Variants in RABGAP1L observed in about 807,000 individuals in gnomAD.
RABGAP1L encodes rab GTPase-activating protein 1-like.
Under a neutral mutation model 137.7 loss-of-function variants are expected in RABGAP1L, and 63 were observed. The ratio of observed to expected loss-of-function variants is 0.46; its 90% CI spans 0.37 to 0.56. The LOEUF (loss-of-function observed/expected upper bound fraction) is 0.56. Ranked by LOEUF, RABGAP1L falls within the 20% of genes least tolerant of loss-of-function variation. The probability of loss-of-function intolerance (pLI) is 0.00; values close to 1 mark genes in which losing one functional copy is unlikely to be tolerated. For missense variants in RABGAP1L, 1,095 were observed against 1,244.0 expected, an observed-to-expected ratio of 0.88 and a Z score of 1.80; for synonymous variants, 431 against 433.7, an observed-to-expected ratio of 0.99 and a Z score of 0.08.
intron 13 of RABGAP1L, among the ~76,000 whole-genome samples, chr1:174,451,148 C>T (rs958447798): frequency 6.6e-6 from 1 of 152,084 alleles, no homozygotes; most frequent in Non-Finnish European, 1.5e-5. Flanking sequence ...TTATTCTTGT[C>T]CCCTGTTTGC....
At chr1:174,173,802 G>A (rs1331357286) in intron 1 of RABGAP1L, among the ~76,000 whole-genome samples, 4 of 152,156 alleles carry the variant, frequency 2.6e-5, no homozygotes, top group African/African-American at 9.7e-5. Flanking sequence ...TGTGTCTTCA[G>A]AAGGATATGT....
intron 1 of RABGAP1L, among the ~76,000 whole-genome samples, chr1:174,194,824 G>A (rs1391069995): frequency 6.6e-6 from 1 of 152,076 alleles, no homozygotes; most frequent in Non-Finnish European, 1.5e-5. Context: ...GTGGGCACAG[G>A]GTTTGCTTTG....
chr1:174,491,495 G>A (rs1410896882), intron 13 of RABGAP1L, among the ~76,000 whole-genome samples: 6 of 151,838 alleles, frequency 4.0e-5, no homozygotes, highest in Admixed American at 1.3e-4. Context: ...TCAAGCAGAA[G>A]CAAGGGGTCC....
At position 174,583,789 on chromosome 1, in the gene RABGAP1L, T is replaced by C. The variant is rs1668916697; in HGVS notation, c.1711-53586T>C. Among the ~76,000 whole-genome samples the C allele has an allele frequency of 2.0e-5, 3 of 152,166 alleles. No individual in the cohort carries two copies. In the South Asian group the frequency reaches 6.2e-4, roughly 32 times the overall value. ...TGCTGTAGAGAAAGAGCAAAAGAAT[T>C]TTAGGCTTAATAATACCTTACTATG... On this transcript the variant is annotated intron_variant, in intron 13 of 25. Coordinates refer to ENST00000681986, the MANE Select transcript of RABGAP1L (RefSeq NM_001366446.1).
At chr1:174,449,322 A>T in intron 13 of RABGAP1L, 1 of 804,624 alleles carries the variant, frequency 1.2e-6, no homozygotes, top group Non-Finnish European at 2.0e-6. Context: ...GAAGTATGAG[A>T]CTAAAGGTTT....
At chr1:174,349,347 G>A (rs1211171645) in intron 11 of RABGAP1L, among the ~76,000 whole-genome samples, 6 of 129,144 alleles carry the variant, frequency 4.6e-5, no homozygotes, top group African/African-American at 6.1e-5. Context: ...GCCACTGGCC[G>A]GGCAGGGGGG....
intron 13 of RABGAP1L, among the ~76,000 whole-genome samples, chr1:174,526,229 G>T (rs888978127): frequency 2.0e-5 from 3 of 152,050 alleles, no homozygotes; most frequent in Admixed American, 6.6e-5. Flanking sequence ...TTGAATTACG[G>T]TTTGCTAGTA....
intron 10 of RABGAP1L, among the ~76,000 whole-genome samples, chr1:174,300,218 C>G (rs942614977): frequency 1.3e-5 from 2 of 152,136 alleles, no homozygotes; most frequent in Non-Finnish European, 2.9e-5. Context: ...TCAGGGTCCC[C>G]TGAAGTATTT....
intron 13 of RABGAP1L, among the ~76,000 whole-genome samples, chr1:174,450,155 AGTAATT>A (rs561817220): frequency 8.5e-5 from 13 of 152,140 alleles, no homozygotes; most frequent in Non-Finnish European, 1.9e-4. Flanking sequence ...AAAACCCACT[AGTAATT>A]GTAATGCAGA....
At chr1:174,812,733 GA>G (rs756061635) in intron 19 of RABGAP1L, among the ~76,000 whole-genome samples, 1 of 151,938 alleles carries the variant, frequency 6.6e-6, no homozygotes, top group East Asian at 1.9e-4. Flanking sequence ...AAATAGCTGT[GA>G]AAAAAAAGAG....
chr1:174,839,827 C>A (rs552711309), intron 19 of RABGAP1L, among the ~76,000 whole-genome samples: 1 of 152,258 alleles, frequency 6.6e-6, no homozygotes, highest in Non-Finnish European at 1.5e-5. Context: ...TTAGCAGCAG[C>A]TTTGAACTGC....
At chr1:174,966,848 T>C (rs967007051) in intron 20 of RABGAP1L, among the ~76,000 whole-genome samples, 1 of 151,278 alleles carries the variant, frequency 6.6e-6, no homozygotes, top group East Asian at 1.9e-4. Context: ...GTGTAGAATA[T>C]GACCTTCTAA....
At chr1:174,355,895 T>G (rs1683591455) in intron 11 of RABGAP1L, among the ~76,000 whole-genome samples, 1 of 152,220 alleles carries the variant, frequency 6.6e-6, no homozygotes. Context: ...TAAATCACCC[T>G]GCTTTTGACA....
At chr1:174,559,537 C>A (rs575694228) in intron 13 of RABGAP1L, among the ~76,000 whole-genome samples, 1 of 152,240 alleles carries the variant, frequency 6.6e-6, no homozygotes, top group East Asian at 1.9e-4. Flanking sequence ...GAAATATTAC[C>A]TTTTTAAAAT....
At chr1:174,712,390 C>A (rs186551814) in intron 17 of RABGAP1L, among the ~76,000 whole-genome samples, 52 of 152,336 alleles carry the variant, frequency 3.4e-4, no homozygotes, top group African/African-American at 1.2e-3. Flanking sequence ...CACGAACCCA[C>A]TGGGAGGGAC....
chr1:174,420,882 C>A lies in RABGAP1L; in HGVS notation c.1710+26737C>A, dbSNP rs367874273. On this transcript the variant is annotated intron_variant, in intron 13 of 25. Transcript: ENST00000681986. ...AGTAGAGATGGGGTTTCACCGTGTTCGCCAGGATGGTCTCGATCTCCTGAC... is the reference window on the plus strand; with the variant it reads ...AGTAGAGATGGGGTTTCACCGTGTTAGCCAGGATGGTCTCGATCTCCTGAC... Among the ~76,000 whole-genome samples, 53 of 151,972 alleles carry A rather than the reference C, an allele frequency of 3.5e-4. No homozygotes were observed. In the South Asian group the frequency reaches 4.2e-3, roughly 12 times the overall value.
At chr1:174,614,028 C>G (rs548800852) in intron 13 of RABGAP1L, among the ~76,000 whole-genome samples, 1 of 152,248 alleles carries the variant, frequency 6.6e-6, no homozygotes, top group East Asian at 1.9e-4. Flanking sequence ...CAGTCTGTGT[C>G]TTTTAATTGG....
intron 13 of RABGAP1L, among the ~76,000 whole-genome samples, chr1:174,618,566 C>A (rs1415983114): frequency 2.6e-5 from 4 of 152,212 alleles, no homozygotes; most frequent in African/African-American, 4.8e-5. Flanking sequence ...CTCCAATAGA[C>A]CTGCAGCTGA....
chr1:174,467,570 A>T (rs1571938426), intron 13 of RABGAP1L, among the ~76,000 whole-genome samples: 1 of 152,140 alleles, frequency 6.6e-6, no homozygotes, highest in African/African-American at 2.4e-5. Flanking sequence ...ACCACTAATA[A>T]ATACTAAATA....
Sources: allele counts gnomAD v4.1 joint callset (sites outside exome capture counted in the v4.1 genomes callset), GRCh38; gene constraint gnomAD v4.1.1; transcripts MANE v1.5; gene names NCBI Gene and HGNC (gene_info 2026-07-23, HGNC 2026-07-21).